DIDO1: variants seen among roughly 807,000 people sequenced by gnomAD.
DIDO1 encodes the protein death-inducer obliterator 1.
DIDO1 carries 16 observed loss-of-function variants against 99.4 expected under a neutral mutation model. The ratio of observed to expected loss-of-function variants is 0.16; its 90% CI spans 0.11 to 0.24. The LOEUF (loss-of-function observed/expected upper bound fraction) is 0.24. DIDO1 is among the 10% of genes least tolerant of loss of function. The pLI, the probability that DIDO1 is intolerant of heterozygous loss-of-function variation, is 1.00. For missense variants in DIDO1, 2,996 were observed against 3,014.0 expected, an observed-to-expected ratio of 0.99 and a Z score of 0.14; for synonymous variants, 1,366 against 1,239.1, an observed-to-expected ratio of 1.10 and a Z score of -2.15.
chr20:62,907,415 AGTGT>A lies in DIDO1; in HGVS notation c.1162-60_1162-57del, dbSNP rs1438351870. On this transcript the variant is annotated intron_variant, in intron 4 of 15. Coordinates refer to ENST00000395343, the MANE Select transcript of DIDO1 (RefSeq NM_001193369.2). ...TGTACTTGCCAATTTTAAGCAGTTA[AGTGT>A]GTGTTTTGTAAAATCACCATTTATA... 6 of 1,558,672 alleles carry A rather than the reference AGTGT, an allele frequency of 3.8e-6. No individual in the cohort carries two copies. In the South Asian group the frequency reaches 5.7e-5, roughly 15 times the overall value.
At chr20:62,906,858 G>A (rs1255023515) in intron 5 of DIDO1, among the ~76,000 whole-genome samples, 3 of 152,188 alleles carry the variant, frequency 2.0e-5, no homozygotes, top group Non-Finnish European at 4.4e-5. Context: ...TCCACCGGGT[G>A]GTTACCAACT....
chr20:62,927,704 G>A (rs1303660866), upstream of DIDO1, among the ~76,000 whole-genome samples: 3 of 152,252 alleles, frequency 2.0e-5, no homozygotes, highest in Non-Finnish European at 4.4e-5. Context: ...ATGAACCAGG[G>A]GCTTTGAGGC....
In DIDO1 at chr20:62,906,111, A is replaced by G. The variant is rs376789493; in HGVS notation, c.1375-11T>C. On this transcript the variant is annotated splice_polypyrimidine_tract_variant and intron_variant, in intron 5 of 15. Coordinates refer to ENST00000395343, the MANE Select transcript of DIDO1 (RefSeq NM_001193369.2). ...GATTTTAATACCTGCCTGGATAATC[A>G]GTAAAACCCCAAATCATTAAAAAGG... 2.7e-5 allele frequency: 43 copies of G among 1,600,166 alleles called. No homozygotes were observed. In the South Asian group the frequency reaches 3.1e-4, roughly 12 times the overall value.
rs1199336162 is a variant in DIDO1 at position 62,926,446 on chromosome 20, C to T, written c.-207G>A. The T allele has an allele frequency of 2.0e-5, 3 of 149,270 alleles. No individual in the cohort carries two copies. Among genetic ancestry groups the T allele is most frequent in the Non-Finnish European group, 4.5e-5 (3 of 66,876 alleles). The allele number at this position is 149,270 out of a possible 1,614,324, so 9.2% of individuals were successfully genotyped here. A position where few individuals can be genotyped will look rare whatever the true frequency, so the allele number is the denominator to read the frequency against. On this transcript the variant is annotated 5_prime_UTR_variant, in exon 1 of 16. Transcript: ENST00000395343. ...ACGCCACTTACCGCAGGCCGCAGGC[C>T]TCTAGGGTCTCGCAGCCATTTCCCC...
intron 1 of DIDO1, among the ~76,000 whole-genome samples, chr20:62,920,711 G>C (rs2147555823): frequency 6.6e-6 from 1 of 152,322 alleles, no homozygotes; most frequent in East Asian, 1.9e-4. Context: ...CAGCCACTCT[G>C]AGTATATGCT....
chr20:62,930,224 A>C (rs1365723166), upstream of DIDO1, among the ~76,000 whole-genome samples: 6 of 152,130 alleles, frequency 3.9e-5, no homozygotes, highest in African/African-American at 1.4e-4. Flanking sequence ...CAAACAAAAA[A>C]AAAAAAAACA....
At position 62,879,246 on chromosome 20, in the gene DIDO1, G is replaced by T. The variant is rs748404289; in HGVS notation, c.6710C>A (p.Ala2237Asp). ...CGGCCGGGGCGTCTAGGCCTGCGAGGCGGTGCCAGCGTCGGAGGCCCTCGA... is the reference window on the plus strand; with the variant it reads ...CGGCCGGGGCGTCTAGGCCTGCGAGTCGGTGCCAGCGTCGGAGGCCCTCGA... ...EASRASDAGT[A>D]SQA Residue 2237 changes from alanine to aspartate, a missense_variant, in exon 16 of 16, where the codon GCC becomes GAC. By Grantham distance (126) the Ala-to-Asp change is moderately radical. Transcript: ENST00000395343. The surrounding 1 kb of genome is among the most constrained non-coding windows in gnomAD (Gnocchi z 6.3). The T allele has an allele frequency of 4.6e-6, 7 of 1,533,572 alleles. No homozygotes were observed. The South Asian group carries it at 7.4e-5, about 16-fold the overall frequency. 95.0% of individuals were successfully genotyped at this position (1,533,572 alleles called of 1,614,324 possible). A position where few individuals can be genotyped will look rare whatever the true frequency, so the allele number is the denominator to read the frequency against.
At chr20:62,903,819 G>A (rs1050716803) in intron 6 of DIDO1, among the ~76,000 whole-genome samples, 9 of 152,178 alleles carry the variant, frequency 5.9e-5, no homozygotes, top group African/African-American at 2.2e-4. Flanking sequence ...TGTCCCTGGA[G>A]CAAATCAGCT....
At chr20:62,910,631 T>TA in intron 3 of DIDO1, 143 bp downstream of exon 3, 1 of 1,020,956 alleles carries the variant, frequency 9.8e-7, no homozygotes, top group Non-Finnish European at 1.4e-6. Context: ...TAGCCACTCT[T>TA]ATGTGTTTCT....
Position 62,893,990 on chromosome 20 carries a change from C to T in DIDO1, c.2777G>A (p.Arg926Lys). The change falls in exon 12 of 16, where the codon AGA (arginine) becomes AAA (lysine). Residue 926 changes from arginine to lysine, a missense_variant. Coordinates refer to ENST00000395343, the MANE Select transcript of DIDO1 (RefSeq NM_001193369.2). ...LESASHPNVD[R>K]TYFPGPPGDG... Reference sequence around the variant, plus strand: ...TCCTGGAGGCCCAGGGAAATACGTTCTGTCCACATTTGGATGAGAAGCACT... The same window carrying T: ...TCCTGGAGGCCCAGGGAAATACGTTTTGTCCACATTTGGATGAGAAGCACT... 1 of 1,614,140 alleles carries T rather than the reference C, an allele frequency of 6.2e-7. No homozygotes were observed. Among genetic ancestry groups the T allele is most frequent in the Non-Finnish European group, 8.5e-7 (1 of 1,180,004 alleles).
rs560861589 is a variant in DIDO1 at position 62,921,178 on chromosome 20, G to A, written c.-200+5261C>T. 1.1e-3 allele frequency among the ~76,000 whole-genome samples: 168 copies of A among 152,324 alleles called. 1 individual carries two copies. Among genetic ancestry groups the A allele is most frequent in the Non-Finnish European group, 1.9e-3 (132 of 68,012 alleles). On this transcript the variant is annotated intron_variant, in intron 1 of 15. Coordinates refer to ENST00000395343, the MANE Select transcript of DIDO1 (RefSeq NM_001193369.2). Reference sequence around the variant, plus strand: ...CCCAAAGTGCTAGGATTACAGGCATGAGCCACCGTGCCCGGCTGGTTTCCA... The same window carrying A: ...CCCAAAGTGCTAGGATTACAGGCATAAGCCACCGTGCCCGGCTGGTTTCCA...
Position 62,878,528 on chromosome 20 carries a change from T to A in DIDO1, c.*705A>T, listed in dbSNP as rs1338466853. On this transcript the variant is annotated 3_prime_UTR_variant, in exon 16 of 16. Coordinates refer to ENST00000395343, the MANE Select transcript of DIDO1 (RefSeq NM_001193369.2). ...CTGCCCCCAAAGTACACTTAATTGG[T>A]TTGTTACTTTTTTTAGGCTGGTAAA... 1.3e-5 allele frequency: 2 copies of A among 152,198 alleles called. No homozygotes were observed. The highest frequency in any genetic ancestry group is 2.9e-5 in the Non-Finnish European group (2 of 68,040). The allele number at this position is 152,198 out of a possible 1,614,324, so 9.4% of individuals were successfully genotyped here. A position where few individuals can be genotyped will look rare whatever the true frequency, so the allele number is the denominator to read the frequency against.
At chr20:62,916,777 C>T (rs549091192) in intron 1 of DIDO1, among the ~76,000 whole-genome samples, 18 of 152,300 alleles carry the variant, frequency 1.2e-4, no homozygotes, top group Admixed American at 3.3e-4. Flanking sequence ...TAACCATCTT[C>T]ACATAACTGG....
rs753379121 is a variant in DIDO1 at position 62,894,449 on chromosome 20, C to T, written c.2536G>A (p.Ala846Thr). 34 of 1,613,180 alleles carry T rather than the reference C, an allele frequency of 2.1e-5. No homozygotes were observed. The highest frequency in any genetic ancestry group is 6.7e-5 in the East Asian group (3 of 44,904). ...MLKDTTSQHR[A>T]HLFDLNCKIC... The stretch of plus-strand genomic sequence containing the variant: ...TTACAGTTGAGATCGAAGAGGTGTG[C>T]GCGGTGCTGACTGGTGGTGTCTTTC... Residue 846 changes from alanine to threonine, a missense_variant, in exon 11 of 16, where the codon GCA becomes ACA. By Grantham distance (58) the Ala-to-Thr change is moderately conservative (BLOSUM62 0). This residue lies in a region of DIDO1 where 898 missense variants were observed against 972.7 expected (regional missense o/e 0.92). Transcript: ENST00000395343. This position sits in a 1 kb window ranked among gnomAD's most constrained non-coding sequence, Gnocchi z 4.4.
In DIDO1 at chr20:62,888,266, T is replaced by G. The variant is rs3746769; in HGVS notation, c.3541+2694A>C. ...ATTGTGTGGTATAAACTGAGGCACA[T>G]GGACGAGTCAGTCACTCTTTTCTGC... is the stretch of plus-strand genomic sequence containing the variant. On this transcript the variant is annotated intron_variant, in intron 15 of 15. Coordinates refer to ENST00000395343, the MANE Select transcript of DIDO1 (RefSeq NM_001193369.2). 45 of 985,412 alleles carry G rather than the reference T, an allele frequency of 4.6e-5. No individual in the cohort carries two copies. The East Asian group carries it at 4.7e-3, about 102-fold the overall frequency. The allele number at this position is 985,412 out of a possible 1,614,324, so 61.0% of individuals were successfully genotyped here.
upstream of DIDO1, among the ~76,000 whole-genome samples, chr20:62,926,713 C>T (rs2065263641): frequency 6.6e-6 from 1 of 152,240 alleles, no homozygotes; most frequent in South Asian, 2.1e-4. Flanking sequence ...ACCTTATTTC[C>T]CCGACTCCAA....
chr20:62,905,212 C>T (rs960379335), intron 6 of DIDO1: 33 of 1,154,378 alleles, frequency 2.9e-5, no homozygotes, highest in South Asian at 6.2e-5. Context: ...GTCCAAGGCA[C>T]GCGTCCTGCG....
intron 13 of DIDO1, 56 bp downstream of exon 13, chr20:62,892,753 G>C: frequency 6.4e-7 from 1 of 1,556,794 alleles, no homozygotes; most frequent in East Asian, 2.3e-5. Context: ...TTTGACTCTA[G>C]TTTAGAAACT....
Position 62,911,371 on chromosome 20 carries a change from G to A in DIDO1, c.242C>T (p.Ala81Val), listed in dbSNP as rs749335229. 58 of 1,611,330 alleles carry A rather than the reference G, an allele frequency of 3.6e-5. No homozygotes were observed. Among genetic ancestry groups the A allele is most frequent in the South Asian group, 1.4e-4 (13 of 91,064 alleles). Residue 81 changes from alanine to valine, a missense_variant, in exon 3 of 16, where the codon GCG (alanine) becomes GTG (valine). Ala to Val is a moderately conservative substitution (Grantham distance 64, BLOSUM62 0). This residue lies in a region of DIDO1 where 388 missense variants were observed against 376.6 expected (regional missense o/e 1.03). Coordinates refer to ENST00000395343, the MANE Select transcript of DIDO1 (RefSeq NM_001193369.2). This position sits in a 1 kb window ranked among gnomAD's most constrained non-coding sequence, Gnocchi z 7.0. ...TERVEQFLTIARRRGRRSMPV... is the reference protein window; with the variant it reads ...TERVEQFLTIVRRRGRRSMPV... ...CATGCTCCTCCTGCCGCGGCGCCGC[G>A]CAATGGTCAGGAACTGCTCCACGCG...
Sources: gnomAD v4.1 joint callset for allele counts (sites outside exome capture counted in the v4.1 genomes callset) on GRCh38, gnomAD v4.1.1 for gene constraint, gnomAD v4.1.1 regional missense constraint, Gnocchi (gnomAD v3.1) non-coding constraint, MANE v1.5 for transcripts, NCBI Gene and HGNC (gene_info 2026-07-23, HGNC 2026-07-21) for gene names.